Variants in HEMK2 observed in about 807,000 individuals in gnomAD.
HEMK2 encodes the protein methyltransferase HEMK2.
chr21:28,625,363 T>C, the HEMK2 span, among the ~76,000 whole-genome samples: 1 of 152,280 alleles, frequency 6.6e-6, no homozygotes, highest in African/African-American at 2.4e-5. Flanking sequence ...CTTGAAAATA[T>C]TACAACAGGT....
At chr21:28,723,055 G>A in the HEMK2 span, among the ~76,000 whole-genome samples, 56 of 151,238 alleles carry the variant, frequency 3.7e-4, no homozygotes, top group Non-Finnish European at 8.0e-4. Flanking sequence ...TGTTACCCAC[G>A]CTGGAGTGCA....
At chr21:28,611,911 CAAAA>C in the HEMK2 span, among the ~76,000 whole-genome samples, 866 of 71,926 alleles carry the variant, frequency 0.012, 11 homozygotes, top group African/African-American at 0.04. Flanking sequence ...GACACCATCT[CAAAA>C]AAAAAAAAAA....
chr21:28,743,568 G>T, the HEMK2 span, among the ~76,000 whole-genome samples: 1 of 151,746 alleles, frequency 6.6e-6, no homozygotes, highest in East Asian at 1.9e-4. Context: ...AGAGAGTGAA[G>T]GAAGGAGAGA....
At chr21:28,822,303 G>T in the HEMK2 span, among the ~76,000 whole-genome samples, 1 of 152,062 alleles carries the variant, frequency 6.6e-6, no homozygotes, top group Admixed American at 6.5e-5. Context: ...ATTCCAAATT[G>T]AGCAGAATAT....
At chr21:28,777,727 T>A in the HEMK2 span, among the ~76,000 whole-genome samples, 1 of 152,194 alleles carries the variant, frequency 6.6e-6, no homozygotes. Context: ...ATAAAAAACA[T>A]TCTTGTCCTC....
At chr21:28,629,848 T>C in the HEMK2 span, among the ~76,000 whole-genome samples, 1 of 152,010 alleles carries the variant, frequency 6.6e-6, no homozygotes. Flanking sequence ...GATCAGGGGA[T>C]CGAAGGACAA....
the HEMK2 span, among the ~76,000 whole-genome samples, chr21:28,882,667 A>AT: frequency 6.6e-6 from 1 of 152,214 alleles, no homozygotes; most frequent in Non-Finnish European, 1.5e-5. Flanking sequence ...TTTATAGGTG[A>AT]TTTTAATTTT....
At chr21:28,863,947 C>A in the HEMK2 span, among the ~76,000 whole-genome samples, 1 of 152,206 alleles carries the variant, frequency 6.6e-6, no homozygotes, top group African/African-American at 2.4e-5. Context: ...CCTGCCTCAG[C>A]CTCCCAAGTA....
the HEMK2 span, among the ~76,000 whole-genome samples, chr21:28,641,642 T>A: frequency 6.6e-6 from 1 of 152,230 alleles, no homozygotes; most frequent in East Asian, 1.9e-4. Context: ...AAAACATAAC[T>A]AAGTTTAAAT....
At chr21:28,864,015 G>GAGGCAGGGTTTCACCATGTT in the HEMK2 span, among the ~76,000 whole-genome samples, 73 of 152,054 alleles carry the variant, frequency 4.8e-4, no homozygotes, top group Non-Finnish European at 7.5e-4. Context: ...TTTTTTAGTA[G>GAGGCAGGGTTTCACCATGTT]AGGCAGGGTT....
the HEMK2 span, among the ~76,000 whole-genome samples, chr21:28,651,829 T>C: frequency 6.6e-6 from 1 of 152,070 alleles, no homozygotes; most frequent in South Asian, 2.1e-4. Flanking sequence ...GAAATTTAAA[T>C]AAAAGAAATA....
At chr21:28,819,119 C>T in the HEMK2 span, among the ~76,000 whole-genome samples, 1 of 152,210 alleles carries the variant, frequency 6.6e-6, no homozygotes, top group African/African-American at 2.4e-5. Flanking sequence ...ATTCTCAAAG[C>T]TCTGGTAGTT....
chr21:28,738,429 T>C, the HEMK2 span, among the ~76,000 whole-genome samples: 1 of 152,124 alleles, frequency 6.6e-6, no homozygotes, highest in Non-Finnish European at 1.5e-5. Flanking sequence ...AAGGTAAGGA[T>C]GAGACAAGAT....
chr21:28,825,176 C>G, the HEMK2 span, among the ~76,000 whole-genome samples: 14 of 152,224 alleles, frequency 9.2e-5, no homozygotes, highest in East Asian at 2.7e-3. Context: ...AGTGCATGAC[C>G]CAGGGAAGGG....
chr21:28,626,624 C>T, the HEMK2 span: 4 of 152,230 alleles, frequency 2.6e-5, no homozygotes, highest in Non-Finnish European at 4.4e-5. Flanking sequence ...GTGAGAGGAT[C>T]GCTTAAGACC....
chr21:28,668,807 T>C, the HEMK2 span, among the ~76,000 whole-genome samples: 406 of 152,292 alleles, frequency 2.7e-3, 3 homozygotes, highest in African/African-American at 9.1e-3. Context: ...CCTGGGGAAA[T>C]TGTTAAAAAG....
At chr21:28,711,122 A>T in the HEMK2 span, among the ~76,000 whole-genome samples, 3 of 152,174 alleles carry the variant, frequency 2.0e-5, no homozygotes, top group Admixed American at 1.3e-4. Flanking sequence ...AACTCTAAGT[A>T]CTTTTAATTA....
the HEMK2 span, among the ~76,000 whole-genome samples, chr21:28,670,416 T>G: frequency 6.6e-6 from 1 of 152,198 alleles, no homozygotes; most frequent in Admixed American, 6.5e-5. Flanking sequence ...CTTTTACATC[T>G]CCAGAGTCCA....
chr21:28,749,433 T>C, the HEMK2 span, among the ~76,000 whole-genome samples: 1 of 152,206 alleles, frequency 6.6e-6, no homozygotes, highest in Non-Finnish European at 1.5e-5. Context: ...GTTGAAATGA[T>C]TACCTCAAAG....
Sources: allele counts gnomAD v4.1 joint callset (sites outside exome capture counted in the v4.1 genomes callset), GRCh38; gene constraint gnomAD v4.1.1; transcripts MANE v1.5; gene names NCBI Gene and HGNC (gene_info 2026-07-23, HGNC 2026-07-21).